Variants in VPS13B observed in about 807,000 individuals in gnomAD.
VPS13B encodes the protein vacuolar protein sorting 13 homolog B, also known as intermembrane lipid transfer protein VPS13B.
VPS13B carries 285 observed loss-of-function variants against 426.4 expected under a neutral mutation model. The observed-to-expected ratio is 0.67, with a 90% CI of 0.61 to 0.74. The LOEUF is 0.74. Among genes scored for constraint, VPS13B ranks in the 30% least tolerant of loss-of-function variants. The probability of loss-of-function intolerance (pLI) is 0.00; values close to 1 mark genes in which losing one functional copy is unlikely to be tolerated. For synonymous variants in VPS13B, 1,676 were observed against 1,676.4 expected (o/e 1.00, Z 0.01); for missense variants, 4,537 against 4,782.6 (o/e 0.95, Z 1.51).
intron 33 of VPS13B, among the ~76,000 whole-genome samples, chr8:99,623,182 T>C (rs1828442646): frequency 6.6e-6 from 1 of 152,228 alleles, no homozygotes; most frequent in Admixed American, 6.5e-5. Context: ...ACTGACCTCC[T>C]TGCTGTTCCT....
Position 99,875,814 on chromosome 8 carries a change from G to A in VPS13B, c.*148G>A. ...AACCCACAAGTAGCTACGACTGCAA[G>A]CACCTGCCACCATAAAGGGCTGCAT... On this transcript the variant is annotated 3_prime_UTR_variant, in exon 62 of 62. Coordinates refer to ENST00000357162, the MANE Select transcript of VPS13B (RefSeq NM_152564.5). 9.7e-7 allele frequency: 1 copy of A among 1,035,098 alleles called. No homozygotes were observed. Among genetic ancestry groups the A allele is most frequent in the Non-Finnish European group, 1.4e-6 (1 of 699,314 alleles). The allele number at this position is 1,035,098 out of a possible 1,614,324, so 64.1% of individuals were successfully genotyped here.
At chr8:99,080,685 A>C (rs943572175) in intron 3 of VPS13B, among the ~76,000 whole-genome samples, 1 of 152,236 alleles carries the variant, frequency 6.6e-6, no homozygotes, top group African/African-American at 2.4e-5. Context: ...ATATTATTCA[A>C]GTATCTCTGA....
chr8:99,692,130 TCAACGAGACAGA>T (rs1463863593), intron 35 of VPS13B, among the ~76,000 whole-genome samples: 1 of 142,166 alleles, frequency 7.0e-6, no homozygotes, highest in East Asian at 2.2e-4. Flanking sequence ...ATTAGACAGA[TCAACGAGACAGA>T]AAGTCAACAA....
intron 23 of VPS13B, among the ~76,000 whole-genome samples, chr8:99,464,868 T>C (rs1819030605): frequency 6.6e-6 from 1 of 152,282 alleles, no homozygotes; most frequent in South Asian, 2.1e-4. Flanking sequence ...TTGAGAATTG[T>C]TTTGTTTGTA....
intron 54 of VPS13B, among the ~76,000 whole-genome samples, chr8:99,845,662 A>G (rs981535627): frequency 6.6e-6 from 1 of 152,222 alleles, no homozygotes; most frequent in Admixed American, 6.5e-5. Flanking sequence ...CAATGTCAGT[A>G]TGGGAAGGTA....
intron 36 of VPS13B, among the ~76,000 whole-genome samples, chr8:99,708,416 TTTC>T (rs1428846372): frequency 1.3e-5 from 2 of 152,186 alleles, no homozygotes; most frequent in African/African-American, 4.8e-5. Context: ...TCAGTAGGCA[TTTC>T]TTCTTTCATG....
intron 19 of VPS13B, among the ~76,000 whole-genome samples, chr8:99,326,452 CTTTTTTTTTTTTTTTT>C (rs747097247): frequency 1.8e-4 from 6 of 32,518 alleles, no homozygotes; most frequent in African/African-American, 5.2e-4. Context: ...CTCTAGGTAG[CTTTTTTTTTTTTTTTT>C]TTTTTTTTTT....
chr8:99,835,293 A>C lies in VPS13B; in HGVS notation c.9711A>C (p.Pro3237=), dbSNP rs1219912059. ...SPRVIIHNRC[P]VKMLIKENIK... Reference sequence around the variant, plus strand: ...GAGTAATTATCCACAATAGATGTCCAGTAAAAATGCTTATAAAGGAAAACA... The same window carrying C: ...GAGTAATTATCCACAATAGATGTCCCGTAAAAATGCTTATAAAGGAAAACA... The change falls in exon 53 of 62, where the codon CCA becomes CCC. Residue 3237 remains proline (P), a synonymous_variant. Transcript: ENST00000357162. 6.2e-7 allele frequency: 1 copy of C among 1,613,108 alleles called. No homozygotes were observed. Among genetic ancestry groups the C allele is most frequent in the Admixed American group, 1.7e-5 (1 of 60,028 alleles).
chr8:99,096,315 G>T lies in VPS13B; in HGVS notation c.295G>T (p.Asp99Tyr). ...ILKLKDGIQD[D>Y]HESCGSNSTN... ...TCTTTCTTTAAAATAAAAATAGGAT[G>T]ACCATGAAAGCTGTGGTTCTAATTC... The change falls in exon 4 of 62, where the codon GAC becomes TAC. Residue 99 changes from aspartate to tyrosine, a missense_variant. By Grantham distance (160) the Asp-to-Tyr change is radical. This residue lies in a region of VPS13B where 226 missense variants were observed against 308.3 expected (regional missense o/e 0.73). Transcript: ENST00000357162. 6.2e-7 allele frequency: 1 copy of T among 1,613,822 alleles called. No homozygotes were observed. Among genetic ancestry groups the T allele is most frequent in the South Asian group, 1.1e-5 (1 of 91,012 alleles).
intron 36 of VPS13B, among the ~76,000 whole-genome samples, chr8:99,716,796 A>T (rs962339181): frequency 6.6e-6 from 1 of 152,200 alleles, no homozygotes; most frequent in African/African-American, 2.4e-5. Flanking sequence ...TTACTGTAGG[A>T]AATCACAGAA....
At chr8:99,783,133 G>A (rs1295952220) in intron 42 of VPS13B, among the ~76,000 whole-genome samples, 1 of 152,120 alleles carries the variant, frequency 6.6e-6, no homozygotes, top group East Asian at 1.9e-4. Context: ...GTACAAGTCT[G>A]GTCATGGCCC....
intron 51 of VPS13B, among the ~76,000 whole-genome samples, chr8:99,831,999 G>A (rs758214459): frequency 3.9e-5 from 6 of 152,282 alleles, no homozygotes; most frequent in East Asian, 3.9e-4. Flanking sequence ...GGTGACTCAC[G>A]CCTGTAATCC....
chr8:99,595,309 A>G (rs1481244236), intron 33 of VPS13B, among the ~76,000 whole-genome samples: 2 of 151,974 alleles, frequency 1.3e-5, no homozygotes. Context: ...TTGAGAGTTC[A>G]GGTACTAACT....
At chr8:99,714,750 C>A (rs1054123052) in intron 36 of VPS13B, among the ~76,000 whole-genome samples, 1 of 152,110 alleles carries the variant, frequency 6.6e-6, no homozygotes, top group Admixed American at 6.5e-5. Flanking sequence ...CAGACAGACA[C>A]GTTGCAGAAT....
intron 39 of VPS13B, among the ~76,000 whole-genome samples, chr8:99,744,591 C>T (rs1001161779): frequency 2.6e-5 from 4 of 152,072 alleles, no homozygotes; most frequent in East Asian, 1.9e-4. Context: ...CAATGATAGA[C>T]TGGATTAAGA....
chr8:99,410,269 G>T (rs1237967032), intron 21 of VPS13B, among the ~76,000 whole-genome samples: 1 of 152,068 alleles, frequency 6.6e-6, no homozygotes, highest in Non-Finnish European at 1.5e-5. Context: ...AGATATTTAA[G>T]ACCCTGCACA....
chr8:99,437,377 C>T (rs1817434832), intron 22 of VPS13B, among the ~76,000 whole-genome samples: 1 of 151,122 alleles, frequency 6.6e-6, no homozygotes, highest in Non-Finnish European at 1.5e-5. Flanking sequence ...TATAATATTC[C>T]ATGTAGTCTT....
chr8:99,678,216 C>T (rs546532042), intron 35 of VPS13B, among the ~76,000 whole-genome samples: 84 of 152,122 alleles, frequency 5.5e-4, no homozygotes, highest in Middle Eastern at 3.4e-3. Flanking sequence ...TGGTCATGTC[C>T]TCTCACAATT....
At chr8:99,573,639 G>A (rs1038128423) in intron 31 of VPS13B, among the ~76,000 whole-genome samples, 6 of 152,106 alleles carry the variant, frequency 3.9e-5, no homozygotes, top group African/African-American at 1.2e-4. Flanking sequence ...TGAGGGCTCT[G>A]TTCTGTTCCA....
Sources: allele counts gnomAD v4.1 joint callset (sites outside exome capture counted in the v4.1 genomes callset), GRCh38; gene constraint gnomAD v4.1.1; regional missense constraint gnomAD v4.1.1; transcripts MANE v1.5; gene names NCBI Gene and HGNC (gene_info 2026-07-23, HGNC 2026-07-21).